MAN2A1: variants seen among roughly 807,000 people sequenced by gnomAD.
MAN2A1 encodes mannosidase alpha class 2A member 1.
MAN2A1 carries 76 observed loss-of-function variants against 142.6 expected under a neutral mutation model. The ratio of observed to expected loss-of-function variants is 0.53; its 90% CI spans 0.44 to 0.65. The LOEUF is 0.65. MAN2A1 is among the 30% of genes least tolerant of loss of function. The probability of loss-of-function intolerance (pLI) is 0.00; values close to 1 mark genes in which losing one functional copy is unlikely to be tolerated. For missense variants in MAN2A1, 1,311 were observed against 1,365.1 expected (o/e 0.96, Z 0.62); for synonymous variants, 559 against 473.2 (o/e 1.18, Z -2.35).
At chr5:109,808,236 T>A (rs1249421283) in intron 12 of MAN2A1, among the ~76,000 whole-genome samples, 1 of 152,190 alleles carries the variant, frequency 6.6e-6, no homozygotes, top group African/African-American at 2.4e-5. Flanking sequence ...TTTAAAAAAT[T>A]TGTTTGTTTT....
Position 109,716,247 on chromosome 5 carries a change from A to T in MAN2A1, c.518A>T (p.His173Leu). ...CCCCTTCAAGTCTTTGTGGTGCCTCATTCCCATAACGACCCAGGTAAAATT... is the reference window on the plus strand; with the variant it reads ...CCCCTTCAAGTCTTTGTGGTGCCTCTTTCCCATAACGACCCAGGTAAAATT... ...TEPLQVFVVPHSHNDPGWLKT... is the reference protein window; with the variant it reads ...TEPLQVFVVPLSHNDPGWLKT... The change falls in exon 3 of 22, where the codon CAT (histidine) becomes CTT (leucine). Residue 173 changes from histidine to leucine, a missense_variant. Physicochemically the swap from His to Leu is moderately conservative, Grantham distance 99. This residue lies in a region of MAN2A1 where 409 missense variants were observed against 412.7 expected (regional missense o/e 0.99). Coordinates refer to ENST00000261483, the MANE Select transcript of MAN2A1 (RefSeq NM_002372.4). 6.2e-7 allele frequency: 1 copy of T among 1,603,378 alleles called. No individual in the cohort carries two copies. Among genetic ancestry groups the T allele is most frequent in the Non-Finnish European group, 8.5e-7 (1 of 1,174,998 alleles).
intron 3 of MAN2A1, among the ~76,000 whole-genome samples, chr5:109,721,473 TTG>T: frequency 6.6e-6 from 1 of 152,176 alleles, no homozygotes; most frequent in Non-Finnish European, 1.5e-5. Context: ...GTGTGTGTGT[TTG>T]TGTGTCCCAA....
At chr5:109,761,515 C>G (rs74939225) in intron 5 of MAN2A1, among the ~76,000 whole-genome samples, 1 of 151,984 alleles carries the variant, frequency 6.6e-6, no homozygotes, top group Non-Finnish European at 1.5e-5. Context: ...GCAGTTTGTT[C>G]AGTTAAAAAG....
chr5:109,724,137 C>T (rs1448028122), intron 3 of MAN2A1, among the ~76,000 whole-genome samples: 1 of 152,118 alleles, frequency 6.6e-6, no homozygotes, highest in African/African-American at 2.4e-5. Context: ...TTGTATGTTA[C>T]CCCATAAGTA....
chr5:109,839,641 GTC>G lies in MAN2A1; in HGVS notation c.2567-2679_2567-2678del, dbSNP rs201618946. Among the ~76,000 whole-genome samples the G allele has an allele frequency of 5.1e-3, 743 of 144,586 alleles. 135 individuals carry two copies. Among genetic ancestry groups the G allele is most frequent in the East Asian group, 0.013 (60 of 4,768 alleles). The allele number at this position is 144,586 out of a possible 152,430, so 94.9% of individuals were successfully genotyped here. A position where few individuals can be genotyped will look rare whatever the true frequency, so the allele number is the denominator to read the frequency against. Reference sequence around the variant, plus strand: ...AGCCTGAACAACATAGTGAGGCCCTGTCTCTCTCTTTTTTTTTTTTTTTTTTT... The same window carrying G: ...AGCCTGAACAACATAGTGAGGCCCTGTCTCTCTTTTTTTTTTTTTTTTTTT... On this transcript the variant is annotated intron_variant, in intron 16 of 21. Transcript: ENST00000261483.
intron 4 of MAN2A1, among the ~76,000 whole-genome samples, chr5:109,745,083 G>A (rs934790120): frequency 6.6e-6 from 1 of 152,134 alleles, no homozygotes; most frequent in Non-Finnish European, 1.5e-5. Flanking sequence ...TGGAATGTCA[G>A]AGTGTTTTTT....
chr5:109,799,362 T>C (rs959059945), intron 12 of MAN2A1, among the ~76,000 whole-genome samples: 1 of 152,104 alleles, frequency 6.6e-6, no homozygotes, highest in Non-Finnish European at 1.5e-5. Context: ...CCACAATGAC[T>C]CTATTCAGAA....
intron 10 of MAN2A1, among the ~76,000 whole-genome samples, chr5:109,788,354 T>TCTAAAAAA: frequency 6.9e-6 from 1 of 144,282 alleles, no homozygotes; most frequent in South Asian, 2.5e-4. Context: ...TTGAATATAG[T>TCTAAAAAA]TAGTAATTTC....
chr5:109,852,132 T>C (rs1386240106), intron 19 of MAN2A1, among the ~76,000 whole-genome samples: 1 of 124,246 alleles, frequency 8.0e-6, no homozygotes, highest in Non-Finnish European at 1.7e-5. Context: ...TATTAAAGAG[T>C]TGGCTTAAAA....
chr5:109,766,133 A>T (rs1462089379), intron 5 of MAN2A1, among the ~76,000 whole-genome samples: 7 of 152,108 alleles, frequency 4.6e-5, no homozygotes. Context: ...ATATTTCCTC[A>T]TGAAAAACCA....
intron 19 of MAN2A1, among the ~76,000 whole-genome samples, chr5:109,853,197 G>GAGCT (rs1378923861): frequency 6.6e-6 from 1 of 152,062 alleles, no homozygotes; most frequent in Non-Finnish European, 1.5e-5. Flanking sequence ...ATTCTAAAGG[G>GAGCT]AGCTCTGTTT....
intron 5 of MAN2A1, among the ~76,000 whole-genome samples, chr5:109,765,823 GGTCTTTTCCTGA>G (rs1334746865): frequency 6.6e-6 from 1 of 151,996 alleles, no homozygotes; most frequent in Non-Finnish European, 1.5e-5. Flanking sequence ...AAGCCTCTTT[GGTCTTTTCCTGA>G]GTTATTTTAA....
Position 109,836,927 on chromosome 5 carries a change from C to T in MAN2A1, c.2567-5401C>T, listed in dbSNP as rs369926880. Among the ~76,000 whole-genome samples, 5 of 151,948 alleles carry T rather than the reference C, an allele frequency of 3.3e-5. No individual in the cohort carries two copies. The East Asian group carries it at 5.8e-4, about 18-fold the overall frequency. ...TGTGTCGATTTTCAGCATAGTTTATCATGCTATACAAATGCTACATTTAGC... is the reference window on the plus strand; with the variant it reads ...TGTGTCGATTTTCAGCATAGTTTATTATGCTATACAAATGCTACATTTAGC... On this transcript the variant is annotated intron_variant, in intron 16 of 21. Transcript: ENST00000261483.
intron 1 of MAN2A1, among the ~76,000 whole-genome samples, chr5:109,709,895 A>G (rs994845183): frequency 2.0e-5 from 3 of 152,160 alleles, no homozygotes; most frequent in Non-Finnish European, 4.4e-5. Context: ...TACTATAAGT[A>G]TTCTTTGACT....
intron 12 of MAN2A1, among the ~76,000 whole-genome samples, chr5:109,815,764 A>G (rs1754439686): frequency 6.6e-6 from 1 of 152,198 alleles, no homozygotes; most frequent in Non-Finnish European, 1.5e-5. Context: ...TAGAACACAT[A>G]TACAGGATGG....
rs185229069 is a variant in MAN2A1, at chr5:109,778,230, G to A, written c.1375-3166G>A. ...TAATGCAATTGATTTTTGCATTTTA[G>A]CCTTGTATCCAGTAACTTTGTTAAA... On this transcript the variant is annotated intron_variant, in intron 8 of 21. Coordinates refer to ENST00000261483, the MANE Select transcript of MAN2A1 (RefSeq NM_002372.4). Among the ~76,000 whole-genome samples the A allele has an allele frequency of 7.6e-4, 115 of 152,048 alleles. 1 individual carries two copies. Among genetic ancestry groups the A allele is most frequent in the South Asian group, 5.6e-3 (27 of 4,820 alleles).
intron 4 of MAN2A1, among the ~76,000 whole-genome samples, chr5:109,731,782 T>G (rs910538438): frequency 6.6e-6 from 1 of 151,648 alleles, no homozygotes; most frequent in African/African-American, 2.4e-5. Context: ...TTGGATTGGC[T>G]CCAAGTCTTT....
chr5:109,713,160 A>G (rs1242926182), intron 1 of MAN2A1, among the ~76,000 whole-genome samples: 1 of 152,222 alleles, frequency 6.6e-6, no homozygotes, highest in Admixed American at 6.5e-5. Context: ...TACTTAAATT[A>G]AAAATTTCAT....
rs566110832 is a variant in MAN2A1, at chr5:109,844,831, A to G, written c.2701-1034A>G. ...CTCTCTTCTTGTAAAGATGCCAGTC[A>G]TTAGGTTAGGTCCCAACATAATCCA... On this transcript the variant is annotated intron_variant, in intron 17 of 21. Coordinates refer to ENST00000261483, the MANE Select transcript of MAN2A1 (RefSeq NM_002372.4). 7.5e-4 allele frequency among the ~76,000 whole-genome samples: 114 copies of G among 152,282 alleles called. 2 individuals are homozygous for G. Among genetic ancestry groups the G allele is most frequent in the Non-Finnish European group, 2.9e-4 (20 of 68,024 alleles).
Sources: allele counts gnomAD v4.1 joint callset (sites outside exome capture counted in the v4.1 genomes callset), GRCh38; gene constraint gnomAD v4.1.1; regional missense constraint gnomAD v4.1.1; transcripts MANE v1.5; gene names NCBI Gene and HGNC (gene_info 2026-07-23, HGNC 2026-07-21).